LATS2: variants seen among roughly 807,000 people sequenced by gnomAD.
LATS2 encodes the protein serine/threonine-protein kinase LATS2.
LATS2 carries 24 observed loss-of-function variants against 76.0 expected under a neutral mutation model. The observed-to-expected ratio is 0.32, with a 90% CI of 0.23 to 0.44. LATS2 has a LOEUF of 0.44. Ranked by LOEUF, LATS2 falls within the 20% of genes least tolerant of loss-of-function variation. The pLI is 1.00. For missense variants in LATS2, 1,286 were observed against 1,481.2 expected (o/e 0.87, Z 2.16); for synonymous variants, 692 against 635.4 (o/e 1.09, Z -1.34).
At chr13:21,030,068 G>A (rs1402218458) in intron 2 of LATS2, among the ~76,000 whole-genome samples, 1 of 151,596 alleles carries the variant, frequency 6.6e-6, no homozygotes, top group Non-Finnish European at 1.5e-5. Context: ...AGGTTGGACT[G>A]AGCTGAGATT....
chr13:21,013,979 AAAG>A (rs1449163684), intron 2 of LATS2, among the ~76,000 whole-genome samples: 29 of 144,680 alleles, frequency 2.0e-4, no homozygotes, highest in African/African-American at 6.2e-4. Flanking sequence ...CTTGAAAACA[AAAG>A]AAGAAGAAAG....
Position 20,988,092 on chromosome 13 carries a change from C to G in LATS2, c.1688G>C (p.Gly563Ala). The G allele has an allele frequency of 6.2e-7, 1 of 1,614,272 alleles. No individual in the cohort carries two copies. Residue 563 changes from glycine (G) to alanine (A), a missense_variant, in exon 4 of 8, where the codon GGG (glycine) becomes GCG (alanine). Around this residue, in one of 5 missense-constraint regions of LATS2, gnomAD observed 710 missense variants for 660.9 expected, o/e 1.07. Transcript: ENST00000382592. ...CTTTTTATCCTTTCCGCCTTTGTCC[C>G]CCTTGGCGCTTTTGCGGCTCTTGTC... ...GGDKSRKSAK[G>A]DKGGKDKKQI... is the part of the protein sequence containing the mutation.
intron 2 of LATS2, among the ~76,000 whole-genome samples, chr13:21,010,201 A>AAACAAACAAACAAAC (rs1555225649): frequency 6.6e-5 from 10 of 150,726 alleles, no homozygotes; most frequent in African/African-American, 2.2e-4. Context: ...CTCTGTCAAA[A>AAACAAACAAACAAAC]AAACAAACAA....
chr13:21,041,445 T>A (rs192039034), intron 2 of LATS2, among the ~76,000 whole-genome samples: 1 of 152,286 alleles, frequency 6.6e-6, no homozygotes. Flanking sequence ...TTACATTTCT[T>A]CCCTAACCTC....
chr13:21,008,884 T>C (rs1871461608), intron 2 of LATS2, among the ~76,000 whole-genome samples: 2 of 152,132 alleles, frequency 1.3e-5, no homozygotes, highest in African/African-American at 4.8e-5. Context: ...TAAAAAAGAA[T>C]ACTCACTGTA....
At chr13:20,992,632 G>C (rs926613113) in intron 2 of LATS2, among the ~76,000 whole-genome samples, 1 of 152,170 alleles carries the variant, frequency 6.6e-6, no homozygotes, top group African/African-American at 2.4e-5. Flanking sequence ...AAGAAGAAAG[G>C]CTGAGCACTC....
intron 3 of LATS2, among the ~76,000 whole-genome samples, chr13:20,989,725 G>A (rs1202081463): frequency 2.0e-5 from 3 of 152,180 alleles, no homozygotes; most frequent in African/African-American, 7.2e-5. Flanking sequence ...TTCCCAAAGC[G>A]CTGCTCCCTC....
intron 1 of LATS2, among the ~76,000 whole-genome samples, chr13:21,052,711 C>T (rs1245960857): frequency 6.6e-6 from 1 of 152,200 alleles, no homozygotes. Context: ...AAGTAGCTTT[C>T]TTTTAACTGT....
chr13:21,057,488 C>T (rs1371066696), intron 1 of LATS2, among the ~76,000 whole-genome samples: 1 of 152,194 alleles, frequency 6.6e-6, no homozygotes, highest in Non-Finnish European at 1.5e-5. Context: ...TCCAATATTA[C>T]CTTGCTGTTT....
chr13:21,049,999 T>C (rs752546501), intron 1 of LATS2, among the ~76,000 whole-genome samples: 8 of 151,912 alleles, frequency 5.3e-5, no homozygotes, highest in Non-Finnish European at 1.0e-4. Flanking sequence ...CACACCCCTG[T>C]AGTCCAGCTA....
chr13:20,995,434 G>A (rs1870709574), intron 2 of LATS2, among the ~76,000 whole-genome samples: 1 of 152,196 alleles, frequency 6.6e-6, no homozygotes, highest in African/African-American at 2.4e-5. Flanking sequence ...GAGCAGCCCT[G>A]CCCCAAAGCA....
In LATS2 at chr13:20,973,240, TA is replaced by T. The variant is rs1869419566; in HGVS notation, c.*1629del. ...CGACGACAGGCACAGCAGACTTGAG[TA>T]TGCCACTCACACAAATGTAAACCAG... On this transcript the variant is annotated 3_prime_UTR_variant, in exon 8 of 8. Transcript: ENST00000382592. 8.6e-6 allele frequency: 2 copies of T among 232,328 alleles called. No individual in the cohort carries two copies. The highest frequency in any genetic ancestry group is 3.6e-4 in the South Asian group (2 of 5,534). The allele number at this position is 232,328 out of a possible 1,614,324, so 14.4% of individuals were successfully genotyped here.
At chr13:20,985,969 G>A (rs111634384) in intron 4 of LATS2, among the ~76,000 whole-genome samples, 8,100 of 151,554 alleles carry the variant, frequency 0.053, 751 homozygotes, top group African/African-American at 0.19. Flanking sequence ...ACTTGAACCC[G>A]GGAGGCGGAG....
chr13:21,038,251 G>A (rs1246065707), intron 2 of LATS2, among the ~76,000 whole-genome samples: 1 of 152,114 alleles, frequency 6.6e-6, no homozygotes, highest in African/African-American at 2.4e-5. Context: ...CAGTGCATGA[G>A]GTGCTTCCGA....
chr13:20,979,716 G>C lies in LATS2; in HGVS notation c.2747C>G (p.Pro916Arg). The stretch of plus-strand genomic sequence containing the variant: ...CTTCAGCTGGGTTTCTGTGGGAGTA[G>C]GTGCCAAAAAGGGCGGCTGCCCCAC... Reference protein sequence around the residue: ...MLVGQPPFLAPTPTETQLKVI... With the variant: ...MLVGQPPFLARTPTETQLKVI... The change falls in exon 7 of 8, where the codon CCT (proline) becomes CGT (arginine). Residue 916 changes from proline to arginine, a missense_variant. By Grantham distance (103) the Pro-to-Arg change is moderately radical (BLOSUM62 -2). Coordinates refer to ENST00000382592, the MANE Select transcript of LATS2 (RefSeq NM_014572.3). 1.2e-6 allele frequency: 2 copies of C among 1,611,180 alleles called. No homozygotes were observed. The highest frequency in any genetic ancestry group is 1.7e-6 in the Non-Finnish European group (2 of 1,177,590).
At chr13:21,050,027 G>A (rs139975606) in intron 1 of LATS2, among the ~76,000 whole-genome samples, 2,835 of 152,116 alleles carry the variant, frequency 0.019, 42 homozygotes, top group Middle Eastern at 0.031. Context: ...GGCTGAGGCA[G>A]GAGAATCCCT....
chr13:20,979,870 G>A (rs1401044502), intron 6 of LATS2, 73 bp from the exon 7 acceptor site: 1 of 820,920 alleles, frequency 1.2e-6, no homozygotes, highest in Non-Finnish European at 2.0e-6. Flanking sequence ...TTAAGATGCT[G>A]AACATACAGA....
chr13:20,993,893 T>C (rs1175421095), intron 2 of LATS2, among the ~76,000 whole-genome samples: 1 of 152,098 alleles, frequency 6.6e-6, no homozygotes, highest in East Asian at 1.9e-4. Flanking sequence ...AATGTGCCAA[T>C]TGGGGCTGAC....
intron 1 of LATS2, among the ~76,000 whole-genome samples, chr13:21,059,736 C>G (rs1408053197): frequency 2.1e-4 from 32 of 152,134 alleles, no homozygotes. Context: ...GAGACGGAGG[C>G]AGGTGGATCA....
Sources: allele counts gnomAD v4.1 joint callset (sites outside exome capture counted in the v4.1 genomes callset), GRCh38; gene constraint gnomAD v4.1.1; regional missense constraint gnomAD v4.1.1; transcripts MANE v1.5; gene names NCBI Gene and HGNC (gene_info 2026-07-23, HGNC 2026-07-21).